The following CFAP61 variants were observed in gnomAD, a reference collection of about 807,000 sequenced individuals.
CFAP61 encodes cilia and flagella associated protein 61.
Under a neutral mutation model 135.6 loss-of-function variants are expected in CFAP61, and 107 were observed. That is an observed-to-expected ratio of 0.79 (90% CI 0.67 to 0.93). The LOEUF (loss-of-function observed/expected upper bound fraction) is 0.93, where lower values mean the gene tolerates loss of function less well. Ranked by LOEUF, CFAP61 falls within the 40% of genes least tolerant of loss-of-function variation. CFAP61 has a pLI of 0.00. For missense variants in CFAP61, 1,507 were observed against 1,556.2 expected (o/e 0.97, Z 0.53); for synonymous variants, 575 against 578.5 (o/e 0.99, Z 0.09).
intron 18 of CFAP61, among the ~76,000 whole-genome samples, chr20:20,231,969 C>T (rs1418489414): frequency 6.6e-6 from 1 of 152,006 alleles, no homozygotes; most frequent in Non-Finnish European, 1.5e-5. Flanking sequence ...CTGAAAGTTC[C>T]TGGCTCGGAC....
intron 13 of CFAP61, chr20:20,172,053 C>G (rs1400271540): frequency 2.5e-6 from 1 of 406,882 alleles, no homozygotes; most frequent in African/African-American, 2.1e-5. Context: ...GCAAGGGAGC[C>G]TGGAAGATAT....
At chr20:20,095,208 G>A (rs2047479799) in intron 7 of CFAP61, among the ~76,000 whole-genome samples, 1 of 152,032 alleles carries the variant, frequency 6.6e-6, no homozygotes, top group East Asian at 1.9e-4. Context: ...CCAACTACAT[G>A]TTTAGTGAGA....
intron 8 of CFAP61, among the ~76,000 whole-genome samples, chr20:20,130,160 G>A (rs1052557385): frequency 4.0e-5 from 6 of 151,434 alleles, no homozygotes; most frequent in Non-Finnish European, 2.9e-5. Flanking sequence ...GTGGTGGTAC[G>A]TGCCTGTAAT....
Position 20,263,034 on chromosome 20 carries a change from A to T in CFAP61, c.2407A>T (p.Thr803Ser), listed in dbSNP as rs756545317. 1 of 1,614,100 alleles carries T rather than the reference A, an allele frequency of 6.2e-7. No homozygotes were observed. The highest frequency in any genetic ancestry group is 2.2e-5 in the East Asian group (1 of 44,878). ...TCCCAACAGCAGTCAGCGGCGGTAC[A>T]CGGGGAAAGTTCCTTGCAACCATTT... ...EVPNSSQRRY[T>S]GKVPCNHFTL... Residue 803 changes from threonine to serine, a missense_variant, in exon 21 of 27, where the codon ACG (threonine) becomes TCG (serine). Transcript: ENST00000245957.
rs200014833 is a variant in CFAP61, at chr20:20,095,094, A to AT, written c.700-3552dup. On this transcript the variant is annotated intron_variant, in intron 7 of 26. Coordinates refer to ENST00000245957, the MANE Select transcript of CFAP61 (RefSeq NM_015585.4). ...AAATACTTGAAATTCATCACCTTCC[A>AT]TTTTTTTTTACTATTCTCCATGTTC... Among the ~76,000 whole-genome samples, 101 of 151,120 alleles carry AT rather than the reference A, an allele frequency of 6.7e-4. 2 individuals carry two copies. The highest frequency in any genetic ancestry group is 1.4e-3 in the East Asian group (7 of 5,154).
intron 20 of CFAP61, among the ~76,000 whole-genome samples, chr20:20,258,218 G>C (rs1432222993): frequency 2.6e-5 from 4 of 152,154 alleles, no homozygotes; most frequent in Non-Finnish European, 4.4e-5. Context: ...GCAAAAGACT[G>C]TCAGGCAAAT....
chr20:20,253,050 C>A (rs2051088381), intron 20 of CFAP61, among the ~76,000 whole-genome samples: 1 of 152,196 alleles, frequency 6.6e-6, no homozygotes, highest in Admixed American at 6.5e-5. Flanking sequence ...AGAATAGCAC[C>A]TCTCAAACTG....
chr20:20,256,767 A>G lies in CFAP61; in HGVS notation c.2328+5004A>G, dbSNP rs184692168. 9.8e-5 allele frequency among the ~76,000 whole-genome samples: 15 copies of G among 152,350 alleles called. No homozygotes were observed. In the East Asian group the frequency reaches 2.9e-3, roughly 29 times the overall value. On this transcript the variant is annotated intron_variant, in intron 20 of 26. Coordinates refer to ENST00000245957, the MANE Select transcript of CFAP61 (RefSeq NM_015585.4). ...GAGACTCAAGGGACAATAATTGAAG[A>G]TATTCTAGAAGAAAACTTTTTTACC... is the stretch of plus-strand genomic sequence containing the variant.
intron 26 of CFAP61, among the ~76,000 whole-genome samples, chr20:20,349,530 C>G (rs1392773028): frequency 1.3e-5 from 2 of 152,172 alleles, no homozygotes; most frequent in African/African-American, 4.8e-5. Context: ...CCAGGTCCCA[C>G]TTCCAGCATT....
rs1250636439 is a variant in CFAP61 at position 20,199,758 on chromosome 20, T to C, written c.1798-10T>C. On this transcript the variant is annotated splice_polypyrimidine_tract_variant and intron_variant, in intron 16 of 26. Coordinates refer to ENST00000245957, the MANE Select transcript of CFAP61 (RefSeq NM_015585.4). Reference sequence around the variant, plus strand: ...TTCTCTCCCCTAAAATATAGATTGCTGTCTTTCAGTTCCAGAACCCCTACG... The same window carrying C: ...TTCTCTCCCCTAAAATATAGATTGCCGTCTTTCAGTTCCAGAACCCCTACG... The C allele has an allele frequency of 3.7e-6, 6 of 1,613,936 alleles. No homozygotes were observed. The Admixed American group carries it at 5.0e-5, about 13-fold the overall frequency.
chr20:20,201,571 C>G (rs2056622524), intron 17 of CFAP61, among the ~76,000 whole-genome samples: 1 of 152,202 alleles, frequency 6.6e-6, no homozygotes, highest in Non-Finnish European at 1.5e-5. Context: ...ATCCTGGGAA[C>G]AGACTGCTTT....
intron 17 of CFAP61, chr20:20,214,959 A>C (rs1016211636): frequency 3.9e-5 from 6 of 152,276 alleles, no homozygotes; most frequent in African/African-American, 1.4e-4. Context: ...TCTAAGCAAT[A>C]GCTCTCACCA....
rs748459645 is a variant in CFAP61, at chr20:20,298,352, C to T, written c.3388C>T (p.Arg1130Trp). 1.9e-6 allele frequency: 3 copies of T among 1,614,072 alleles called. No homozygotes were observed. The highest frequency in any genetic ancestry group is 2.5e-6 in the Non-Finnish European group (3 of 1,180,016). ...GCAACTCCTCAACAACCTGTGTGCT[C>T]GGTACGATGAAAACCTGATCACAGA... ...HEQLLNNLCA[R>W]YDENLITDLY... is the part of the protein sequence containing the mutation. The change falls in exon 25 of 27, where the codon CGG becomes TGG. Residue 1130 changes from arginine to tryptophan, a missense_variant. Coordinates refer to ENST00000245957, the MANE Select transcript of CFAP61 (RefSeq NM_015585.4).
chr20:20,130,857 G>A (rs1425912800), intron 8 of CFAP61, among the ~76,000 whole-genome samples: 1 of 151,830 alleles, frequency 6.6e-6, no homozygotes, highest in East Asian at 1.9e-4. Context: ...CATGGCTGAG[G>A]ATGATAGTCC....
chr20:20,358,810 AG>A (rs1282224338), intron 26 of CFAP61, among the ~76,000 whole-genome samples: 1 of 152,218 alleles, frequency 6.6e-6, no homozygotes. Context: ...TCTTATCACT[AG>A]TAAGTTAATA....
At chr20:20,056,597 C>T in intron 1 of CFAP61, 21 bp from the exon 2 acceptor site, 1 of 1,556,108 alleles carries the variant, frequency 6.4e-7, no homozygotes, top group Non-Finnish European at 8.8e-7. Flanking sequence ...ACCAAACTGG[C>T]TTATCATATC....
At chr20:20,285,842 A>AC (rs1387139113) in intron 22 of CFAP61, among the ~76,000 whole-genome samples, 5 of 150,444 alleles carry the variant, frequency 3.3e-5, no homozygotes, top group Non-Finnish European at 7.4e-5. Context: ...GATTCCTTGA[A>AC]CCCGGGAGGT....
chr20:20,150,476 G>A (rs1359256850), intron 9 of CFAP61, among the ~76,000 whole-genome samples: 1 of 152,146 alleles, frequency 6.6e-6, no homozygotes, highest in African/African-American at 2.4e-5. Context: ...ACTCATGACA[G>A]AACAACCCTG....
chr20:20,269,132 T>TACACACACACACACACACACACACAC (rs74174557), intron 21 of CFAP61, among the ~76,000 whole-genome samples: 21 of 87,128 alleles, frequency 2.4e-4, no homozygotes, highest in Admixed American at 6.3e-4. Context: ...TATATATATA[T>TACACACACACACACACACACACACAC]ATATATATAT....
Sources: allele counts gnomAD v4.1 joint callset (sites outside exome capture counted in the v4.1 genomes callset), GRCh38; gene constraint gnomAD v4.1.1; transcripts MANE v1.5; gene names NCBI Gene and HGNC (gene_info 2026-07-23, HGNC 2026-07-21).